Variants in CNOT10 observed in about 807,000 individuals in gnomAD.
The protein encoded by CNOT10 is CCR4-NOT transcription complex subunit 10, also known as CCR4-NOT transcription complex, subunit 10.
A neutral mutation model predicts 94.6 loss-of-function variants in CNOT10; 30 were observed. The observed-to-expected ratio is 0.32, with a 90% CI of 0.24 to 0.43. The LOEUF (loss-of-function observed/expected upper bound fraction) is 0.43, where lower values mean the gene tolerates loss of function less well. Among genes scored for constraint, CNOT10 ranks in the 20% least tolerant of loss-of-function variants. The pLI is 1.00. For missense variants in CNOT10, 759 were observed against 877.2 expected (o/e 0.87, Z 1.70); for synonymous variants, 289 against 301.6 (o/e 0.96, Z 0.43).
intron 1 of CNOT10, among the ~76,000 whole-genome samples, chr3:32,691,921 A>G (rs1458862473): frequency 1.3e-5 from 2 of 151,882 alleles, no homozygotes; most frequent in East Asian, 1.9e-4. Flanking sequence ...GTGGTGGCGC[A>G]TGCCTGTAGT....
At chr3:32,753,956 G>T in intron 13 of CNOT10, 1 of 832,458 alleles carries the variant, frequency 1.2e-6, no homozygotes, top group Non-Finnish European at 1.8e-6. Flanking sequence ...AATTAGCTGG[G>T]CATGGAGGTG....
chr3:32,724,614 A>T (rs758920328), intron 8 of CNOT10, among the ~76,000 whole-genome samples: 3 of 151,952 alleles, frequency 2.0e-5, no homozygotes, highest in Non-Finnish European at 2.9e-5. Context: ...GGGTTTCACC[A>T]TGTTAGCGAG....
rs1269249514 is a variant in CNOT10, at chr3:32,741,738, C to T, written c.1595+4248C>T. Reference sequence around the variant, plus strand: ...GAGCCGAAATCGTGCCACTGCCCCCCAGCCTGGGCGACAGAGCGAGACTCC... The same window carrying T: ...GAGCCGAAATCGTGCCACTGCCCCCTAGCCTGGGCGACAGAGCGAGACTCC... On this transcript the variant is annotated intron_variant, in intron 13 of 18. Transcript: ENST00000328834. Among the ~76,000 whole-genome samples, 56 of 146,766 alleles carry T rather than the reference C, an allele frequency of 3.8e-4. No homozygotes were observed. In the Middle Eastern group the frequency reaches 0.015, roughly 40 times the overall value.
chr3:32,746,680 CA>C (rs1165690337), intron 13 of CNOT10, among the ~76,000 whole-genome samples: 55 of 151,752 alleles, frequency 3.6e-4, no homozygotes, highest in African/African-American at 1.3e-3. Flanking sequence ...ACTAAAAATA[CA>C]AAAAAATTAG....
chr3:32,744,379 A>G (rs77508254), intron 13 of CNOT10, among the ~76,000 whole-genome samples: 2,982 of 152,304 alleles, frequency 0.02, 51 homozygotes, highest in East Asian at 0.047. Context: ...TGTTTCCAGC[A>G]TAACTAATAT....
At chr3:32,754,356 A>G (rs1260861050) in intron 13 of CNOT10, among the ~76,000 whole-genome samples, 4 of 145,138 alleles carry the variant, frequency 2.8e-5, no homozygotes, top group African/African-American at 1.0e-4. Context: ...GGGCACCTGT[A>G]GTCCCAGCTA....
In CNOT10 at chr3:32,687,002, T is replaced by C. The variant is rs149399435; in HGVS notation, c.22+1520T>C. Among the ~76,000 whole-genome samples the C allele has an allele frequency of 1.4e-3, 206 of 152,310 alleles. 1 individual carries two copies. The highest frequency in any genetic ancestry group is 2.0e-3 in the Non-Finnish European group (138 of 68,028). ...CTCCTGTTTGGTAAGAGCTGTGTAA[T>C]GTGTGTAGTTGAAGAATAAGGTCCA... On this transcript the variant is annotated intron_variant, in intron 1 of 18. Coordinates refer to ENST00000328834, the MANE Select transcript of CNOT10 (RefSeq NM_015442.3).
chr3:32,748,357 ATCTTAGAACACAGTT>A, intron 13 of CNOT10, among the ~76,000 whole-genome samples: 2 of 152,324 alleles, frequency 1.3e-5, no homozygotes, highest in Middle Eastern at 6.8e-3. Flanking sequence ...ACCCAAAGGA[ATCTTAGAACACAGTT>A]TCTTGGGCAG....
At chr3:32,768,343 A>G (rs1296382180) in intron 17 of CNOT10, among the ~76,000 whole-genome samples, 1 of 140,006 alleles carries the variant, frequency 7.1e-6, no homozygotes, top group Non-Finnish European at 1.5e-5. Context: ...GCACTTTGGG[A>G]GGCCAAGGCG....
At chr3:32,696,903 G>T (rs1054533455) in intron 1 of CNOT10, among the ~76,000 whole-genome samples, 34 of 151,634 alleles carry the variant, frequency 2.2e-4, no homozygotes, top group African/African-American at 8.2e-4. Context: ...TCTTAAATTG[G>T]CTTCTCTCCT....
intron 1 of CNOT10, chr3:32,695,541 A>G: frequency 1.3e-6 from 2 of 1,516,442 alleles, no homozygotes; most frequent in Non-Finnish European, 1.8e-6. Context: ...CTGTGCTTTC[A>G]GTTAACTGAT....
intron 9 of CNOT10, among the ~76,000 whole-genome samples, chr3:32,726,522 GT>G (rs1698671007): frequency 6.6e-6 from 1 of 151,716 alleles, no homozygotes; most frequent in Non-Finnish European, 1.5e-5. Flanking sequence ...GTGAAACCCT[GT>G]CTCTACTAAA....
chr3:32,717,258 T>G (rs371872111), intron 7 of CNOT10, 21 bp downstream of exon 7: 1 of 1,495,122 alleles, frequency 6.7e-7, no homozygotes, highest in African/African-American at 1.4e-5. Context: ...TCTGGACTTT[T>G]GTTTTTCAAT....
chr3:32,703,078 A>ATTTTTTTTTT (rs67920905), intron 1 of CNOT10, among the ~76,000 whole-genome samples: 30 of 124,148 alleles, frequency 2.4e-4, no homozygotes, highest in Non-Finnish European at 2.4e-4. Context: ...CGCCAAGCTA[A>ATTTTTTTTTT]TTTTTTTTTT....
intron 14 of CNOT10, 136 bp from the exon 15 acceptor site, chr3:32,762,593 AAATT>A: frequency 1.1e-6 from 1 of 885,000 alleles, no homozygotes; most frequent in South Asian, 2.0e-5. Flanking sequence ...TTACCTAAAT[AAATT>A]TAGATTTCAA....
At chr3:32,770,854 C>T (rs1235754312) in intron 18 of CNOT10, among the ~76,000 whole-genome samples, 4 of 151,960 alleles carry the variant, frequency 2.6e-5, no homozygotes, top group African/African-American at 7.2e-5. Flanking sequence ...GCTGGGATTA[C>T]AGGCACCCAC....
intron 13 of CNOT10, chr3:32,753,450 T>C: frequency 6.5e-7 from 1 of 1,542,346 alleles, no homozygotes; most frequent in Non-Finnish European, 9.0e-7. Context: ...AACTTCCTTC[T>C]GGAGAGGATT....
intron 8 of CNOT10, among the ~76,000 whole-genome samples, chr3:32,721,771 C>T (rs1380613738): frequency 6.6e-6 from 1 of 151,512 alleles, no homozygotes; most frequent in African/African-American, 2.4e-5. Flanking sequence ...CTCAGCCTCC[C>T]GAGTAGCTGA....
intron 8 of CNOT10, among the ~76,000 whole-genome samples, chr3:32,723,932 T>C (rs980183595): frequency 5.9e-5 from 9 of 151,944 alleles, no homozygotes; most frequent in African/African-American, 2.2e-4. Context: ...ATTAAAAAAT[T>C]AGCTGGGCAT....
Sources: allele counts gnomAD v4.1 joint callset (sites outside exome capture counted in the v4.1 genomes callset), GRCh38; gene constraint gnomAD v4.1.1; transcripts MANE v1.5; gene names NCBI Gene and HGNC (gene_info 2026-07-23, HGNC 2026-07-21).